CRIM1: variants seen among roughly 807,000 people sequenced by gnomAD.
The protein encoded by CRIM1 is cysteine-rich motor neuron 1 protein.
A neutral mutation model predicts 116.4 loss-of-function variants in CRIM1; 32 were observed. The ratio of observed to expected loss-of-function variants is 0.27; its 90% CI spans 0.21 to 0.37. The LOEUF (loss-of-function observed/expected upper bound fraction) is 0.37, where lower values mean the gene tolerates loss of function less well. CRIM1 is among the 10% of genes least tolerant of loss of function. CRIM1 has a pLI of 1.00. For missense variants in CRIM1, 1,331 were observed against 1,354.8 expected (o/e 0.98, Z 0.28); for synonymous variants, 590 against 509.2 (o/e 1.16, Z -2.13).
At chr2:36,504,242 C>G (rs955602) in intron 8 of CRIM1, among the ~76,000 whole-genome samples, 99,769 of 151,954 alleles carry the variant, frequency 0.66, 32,979 homozygotes, top group African/African-American at 0.72. Context: ...ATTTGTTGTT[C>G]TTCATTCACT....
chr2:36,510,837 A>T (rs536840054), intron 9 of CRIM1, among the ~76,000 whole-genome samples: 21 of 151,496 alleles, frequency 1.4e-4, no homozygotes, highest in African/African-American at 5.1e-4. Flanking sequence ...AAATCACCTT[A>T]ATTTATATTT....
chr2:36,452,110 G>A (rs1021538191), intron 4 of CRIM1, among the ~76,000 whole-genome samples: 24 of 150,170 alleles, frequency 1.6e-4, no homozygotes, highest in Non-Finnish European at 3.1e-4. Context: ...GCACTTAACA[G>A]TTTGGGTTTT....
intron 2 of CRIM1, among the ~76,000 whole-genome samples, chr2:36,425,816 A>T (rs1027567500): frequency 6.6e-6 from 1 of 152,220 alleles, no homozygotes. Flanking sequence ...TTTATTACTC[A>T]GAAACCAACA....
rs541170395 is a variant in CRIM1 at position 36,356,347 on chromosome 2, T to C, written c.55T>C (p.Ser19Pro). Residue 19 changes from serine to proline, a missense_variant, in exon 1 of 17, where the codon TCG (serine) becomes CCG (proline). This residue lies in a region of CRIM1 where 690 missense variants were observed against 676.0 expected (regional missense o/e 1.02). Transcript: ENST00000280527. This position sits in a 1 kb window ranked among gnomAD's most constrained non-coding sequence, Gnocchi z 4.3. ...GLAGCGHLLV[S>P]LLGLLLLLAR... is the part of the protein sequence containing the mutation. ...GGCCGGCTGCGGGCACCTCCTGGTCTCGCTGCTGGGGCTGCTGCTGCTGCT... is the reference window on the plus strand; with the variant it reads ...GGCCGGCTGCGGGCACCTCCTGGTCCCGCTGCTGGGGCTGCTGCTGCTGCT... 1.4e-4 allele frequency: 215 copies of C among 1,591,586 alleles called. 5 individuals carry two copies. The South Asian group carries it at 2.3e-3, about 17-fold the overall frequency.
intron 13 of CRIM1, among the ~76,000 whole-genome samples, chr2:36,531,218 A>T (rs1480551564): frequency 6.6e-6 from 1 of 152,204 alleles, no homozygotes; most frequent in East Asian, 1.9e-4. Context: ...TTACTCCCAC[A>T]CCAAGCCTCT....
At chr2:36,457,546 A>T (rs1677236151) in intron 4 of CRIM1, among the ~76,000 whole-genome samples, 1 of 152,130 alleles carries the variant, frequency 6.6e-6, no homozygotes, top group Admixed American at 6.5e-5. Context: ...AATGCCAGGA[A>T]ATCACGCAGG....
At chr2:36,477,401 C>A (rs965881224) in intron 6 of CRIM1, among the ~76,000 whole-genome samples, 2 of 152,186 alleles carry the variant, frequency 1.3e-5, no homozygotes, top group Admixed American at 1.3e-4. Flanking sequence ...TTATCTTCAC[C>A]CTGGCATTAG....
intron 5 of CRIM1, among the ~76,000 whole-genome samples, chr2:36,474,717 A>G (rs1380898451): frequency 9.9e-5 from 15 of 151,896 alleles, no homozygotes; most frequent in Admixed American, 6.6e-4. Context: ...GCATGGTGTC[A>G]TGCACCTGTA....
chr2:36,509,977 T>C lies in CRIM1; in HGVS notation c.1502-6T>C. 6.2e-7 allele frequency: 1 copy of C among 1,613,070 alleles called. No homozygotes were observed. On this transcript the variant is annotated splice_region_variant and splice_polypyrimidine_tract_variant and intron_variant, in intron 8 of 16. Coordinates refer to ENST00000280527, the MANE Select transcript of CRIM1 (RefSeq NM_016441.3). ...GAAGAAACATGCCGTCTCTGTGTCT[T>C]CACAGCCGAGGAACTATGTTCAGAA...
At position 36,551,057 on chromosome 2, in the gene CRIM1, T is replaced by A. The variant is rs924389875; in HGVS notation, c.*2356T>A. 1 of 152,648 alleles carries A rather than the reference T, an allele frequency of 6.6e-6. No homozygotes were observed. Among genetic ancestry groups the A allele is most frequent in the Non-Finnish European group, 1.5e-5 (1 of 68,038 alleles). 9.5% of individuals were successfully genotyped at this position (152,648 alleles called of 1,614,324 possible). On this transcript the variant is annotated 3_prime_UTR_variant, in exon 17 of 17. Coordinates refer to ENST00000280527, the MANE Select transcript of CRIM1 (RefSeq NM_016441.3). ...GCATCATAGTTCTACAGTTTGTTTT[T>A]GTTTTCTTCAAAAAAGCTGTAAGAG... is the stretch of plus-strand genomic sequence containing the variant.
intron 2 of CRIM1, among the ~76,000 whole-genome samples, chr2:36,431,814 T>C (rs1233662277): frequency 6.6e-6 from 1 of 152,218 alleles, no homozygotes; most frequent in Non-Finnish European, 1.5e-5. Context: ...CCCCTCATTT[T>C]ACAGATGAAC....
At chr2:36,466,053 T>A (rs1677995749) in intron 5 of CRIM1, among the ~76,000 whole-genome samples, 1 of 81,596 alleles carries the variant, frequency 1.2e-5, no homozygotes, top group Non-Finnish European at 2.8e-5. Context: ...ACGCGGCTAA[T>A]TTTTTTGTAT....
chr2:36,474,847 C>CAAAAAAAAAAAAAAAAAAAAA (rs56084308), intron 5 of CRIM1, among the ~76,000 whole-genome samples: 8 of 90,736 alleles, frequency 8.8e-5, no homozygotes, highest in African/African-American at 2.2e-4. Flanking sequence ...GACTCTATAT[C>CAAAAAAAAAAAAAAAAAAAAA]AAAAAAAAAA....
At chr2:36,365,288 ATAT>A (rs1669515267) in intron 1 of CRIM1, among the ~76,000 whole-genome samples, 1 of 152,250 alleles carries the variant, frequency 6.6e-6, no homozygotes, top group African/African-American at 2.4e-5. Flanking sequence ...TGGCCTTTTA[ATAT>A]TAATGGCATA....
chr2:36,474,348 CT>C (rs1474538083), intron 5 of CRIM1, among the ~76,000 whole-genome samples: 1 of 151,816 alleles, frequency 6.6e-6, no homozygotes, highest in Non-Finnish European at 1.5e-5. Flanking sequence ...TGTTTTGTTC[CT>C]TTGTTGCTTA....
chr2:36,388,083 C>A (rs1052704388), intron 1 of CRIM1, among the ~76,000 whole-genome samples: 1 of 151,774 alleles, frequency 6.6e-6, no homozygotes, highest in African/African-American at 2.4e-5. Flanking sequence ...TTGGTAAGTT[C>A]CCTATAAACC....
intron 5 of CRIM1, among the ~76,000 whole-genome samples, chr2:36,475,240 C>T (rs963685600): frequency 2.6e-5 from 4 of 152,088 alleles, no homozygotes; most frequent in African/African-American, 2.4e-5. Context: ...CGGGATGTCC[C>T]GTTTACTTAG....
intron 7 of CRIM1, among the ~76,000 whole-genome samples, chr2:36,484,403 G>A (rs2125056427): frequency 6.6e-6 from 1 of 152,242 alleles, no homozygotes; most frequent in South Asian, 2.1e-4. Flanking sequence ...GGGATCCTGA[G>A]GAGAGGTTGC....
At chr2:36,473,425 A>G (rs1455286481) in intron 5 of CRIM1, among the ~76,000 whole-genome samples, 2 of 152,156 alleles carry the variant, frequency 1.3e-5, no homozygotes, top group East Asian at 1.9e-4. Flanking sequence ...TTTTCAGTGT[A>G]TGCTCAGAGT....
Sources: gnomAD v4.1 joint callset for allele counts (sites outside exome capture counted in the v4.1 genomes callset) on GRCh38, gnomAD v4.1.1 for gene constraint, gnomAD v4.1.1 regional missense constraint, Gnocchi (gnomAD v3.1) non-coding constraint, MANE v1.5 for transcripts, NCBI Gene and HGNC (gene_info 2026-07-23, HGNC 2026-07-21) for gene names.